OR9I1: variants seen among roughly 807,000 people sequenced by gnomAD.
OR9I1 encodes olfactory receptor family 9 subfamily I member 1.
A neutral mutation model predicts 11.2 loss-of-function variants in OR9I1; 7 were observed. That is an observed-to-expected ratio of 0.62 (90% confidence interval 0.36 to 1.17). The LOEUF (loss-of-function observed/expected upper bound fraction) is 1.17, where lower values mean the gene tolerates loss of function less well. Among genes scored for constraint, OR9I1 ranks in the 50% most tolerant of loss-of-function variants. The pLI is 0.02. For missense variants in OR9I1, 428 were observed against 377.2 expected (o/e 1.13, Z -1.12); for synonymous variants, 165 against 153.4 (o/e 1.08, Z -0.56).
At chr11:58,120,803 C>CATATATATATAT (rs61634454) in intron 2 of OR9I1, among the ~76,000 whole-genome samples, 4,146 of 132,318 alleles carry the variant, frequency 0.031, 96 homozygotes, top group Non-Finnish European at 0.039. Flanking sequence ...ATTTCAATAC[C>CATATATATATAT]ATATATATAT....
rs1483542487 is a variant in OR9I1, at chr11:58,119,154, A to C, written c.291T>G (p.Cys97Trp). ...TGGTGAATAAAAAGAACTGGGCAGC[A>C]CAGTGGCCGTAGGAGATGACCGTTT... ...TGKTVISYGH[C>W]AAQFFLFTIC... The change falls in exon 3 of 3, where the codon TGT (cysteine) becomes TGG (tryptophan). Residue 97 changes from cysteine to tryptophan, a missense_variant. Transcript: ENST00000641439. 2 of 1,613,944 alleles carry C rather than the reference A, an allele frequency of 1.2e-6. No individual in the cohort carries two copies. The highest frequency in any genetic ancestry group is 1.7e-6 in the Non-Finnish European group (2 of 1,180,004).
At position 58,119,017 on chromosome 11, in the gene OR9I1, C is replaced by T. The variant is rs754417451; in HGVS notation, c.428G>A (p.Ser143Asn). ...ACAGACATAGGCTCCTACCACCAGG[C>T]TCCAGCAGAGCCTGGGATTCATGGC... ...TVAMNPRLCW[S>N]LVVGAYVCGV... is the part of the protein sequence containing the mutation. The change falls in exon 3 of 3, where the codon AGC (serine) becomes AAC (asparagine). Residue 143 changes from serine (S) to asparagine (N), a missense_variant. Transcript: ENST00000641439. 1.2e-6 allele frequency: 2 copies of T among 1,613,914 alleles called. No individual in the cohort carries two copies. Among genetic ancestry groups the T allele is most frequent in the Admixed American group, 1.7e-5 (1 of 60,010 alleles).
At chr11:58,120,099 A>C (rs1854013003) in intron 2 of OR9I1, among the ~76,000 whole-genome samples, 1 of 152,192 alleles carries the variant, frequency 6.6e-6, no homozygotes, top group South Asian at 2.1e-4. Context: ...GATAACAAAA[A>C]GTCTTTCTTT....
rs2120129604 is a variant in OR9I1, at chr11:58,119,107, A to G, written c.338T>C (p.Phe113Ser). 1 of 1,613,952 alleles carries G rather than the reference A, an allele frequency of 6.2e-7. No homozygotes were observed. The highest frequency in any genetic ancestry group is 8.5e-7 in the Non-Finnish European group (1 of 1,179,952). Residue 113 changes from phenylalanine to serine, a missense_variant, in exon 3 of 3, where the codon TTT becomes TCT. By Grantham distance (155) the Phe-to-Ser change is radical. Coordinates refer to ENST00000641439, the MANE Select transcript of OR9I1 (RefSeq NM_001005211.2). ...LFTICAGTEC[F>S]LLAVMAYDRY... is the part of the protein sequence containing the mutation. Reference sequence around the variant, plus strand: ...ATCATAGGCCATCACTGCCAGCAGAAAGCACTCTGTGCCTGCACAGATGGT... The same window carrying G: ...ATCATAGGCCATCACTGCCAGCAGAGAGCACTCTGTGCCTGCACAGATGGT...
intron 2 of OR9I1, among the ~76,000 whole-genome samples, chr11:58,123,287 C>T (rs10750886): frequency 0.38 from 58,427 of 152,060 alleles, 12,347 homozygotes; most frequent in East Asian, 0.67. Context: ...AATCTCCCTG[C>T]AGTTAATCAG....
At chr11:58,123,300 C>CT (rs1854054437) in intron 2 of OR9I1, among the ~76,000 whole-genome samples, 1 of 152,162 alleles carries the variant, frequency 6.6e-6, no homozygotes, top group Admixed American at 6.5e-5. Flanking sequence ...TTAATCAGAG[C>CT]TTTTTTACCT....
chr11:58,118,266 A>C lies in OR9I1; in HGVS notation c.*234T>G, dbSNP rs142203655. The C allele has an allele frequency of 1.5e-5, 6 of 403,760 alleles. No homozygotes were observed. The East Asian group carries it at 2.3e-4, about 15-fold the overall frequency. 25.0% of individuals were successfully genotyped at this position (403,760 alleles called of 1,614,324 possible). ...AGTTGTGACATTAGAGAATATTAAG[A>C]GACTGCCCAGTGCTAAGGAATGGAT... On this transcript the variant is annotated 3_prime_UTR_variant, in exon 3 of 3. Transcript: ENST00000641439.
At position 58,117,475 on chromosome 11, in the gene OR9I1, G is replaced by A. The variant is rs543630537; in HGVS notation, c.*1025C>T. The A allele has an allele frequency of 1.1e-4, 16 of 152,222 alleles. No homozygotes were observed. Among genetic ancestry groups the A allele is most frequent in the Admixed American group, 7.9e-4 (12 of 15,282 alleles). 9.4% of individuals were successfully genotyped at this position (152,222 alleles called of 1,614,324 possible). ...ATAGAGTTGCCAGAAGGCTCAAATAGGAACAAGCATGTACCATACAAATTC... is the reference window on the plus strand; with the variant it reads ...ATAGAGTTGCCAGAAGGCTCAAATAAGAACAAGCATGTACCATACAAATTC... On this transcript the variant is annotated 3_prime_UTR_variant, in exon 3 of 3. Transcript: ENST00000641439.
rs1194414475 is a variant in OR9I1, at chr11:58,118,594, A to G, written c.851T>C (p.Met284Thr). The G allele has an allele frequency of 4.3e-6, 7 of 1,613,904 alleles. No individual in the cohort carries two copies. The Admixed American group carries it at 1.0e-4, about 23-fold the overall frequency. The change falls in exon 3 of 3, where the codon ATG becomes ACG. Residue 284 changes from methionine to threonine, a missense_variant. By Grantham distance (81) the Met-to-Thr change is moderately conservative (BLOSUM62 -1). Coordinates refer to ENST00000641439, the MANE Select transcript of OR9I1 (RefSeq NM_001005211.2). Reference protein sequence around the residue: ...VSVFYTVVIPMLNPLIYSLRN... With the variant: ...VSVFYTVVIPTLNPLIYSLRN... ...TAAGCTGTAGATCAGAGGGTTCAGC[A>G]TGGGGATGACCACTGTATAGAAGAC...
Position 58,116,993 on chromosome 11 carries a change from G to C in OR9I1, c.*1507C>G, listed in dbSNP as rs1294636821. Reference sequence around the variant, plus strand: ...AAGTACTCGTTTGTTTTATTCCTTGGTGCAAAGGATTGAGTTATACATCTT... The same window carrying C: ...AAGTACTCGTTTGTTTTATTCCTTGCTGCAAAGGATTGAGTTATACATCTT... On this transcript the variant is annotated 3_prime_UTR_variant, in exon 3 of 3. Transcript: ENST00000641439. 6.6e-6 allele frequency: 1 copy of C among 152,062 alleles called. No individual in the cohort carries two copies. The highest frequency in any genetic ancestry group is 1.5e-5 in the Non-Finnish European group (1 of 68,010). 9.4% of individuals were successfully genotyped at this position (152,062 alleles called of 1,614,324 possible). A position where few individuals can be genotyped will look rare whatever the true frequency, so the allele number is the denominator to read the frequency against.
chr11:58,120,356 AC>A (rs1854016253), intron 2 of OR9I1, among the ~76,000 whole-genome samples: 1 of 152,118 alleles, frequency 6.6e-6, no homozygotes, highest in African/African-American at 2.4e-5. Flanking sequence ...TAACATATTC[AC>A]CTATTTGTAA....
Position 58,119,239 on chromosome 11 carries a change from A to T in OR9I1, c.206T>A (p.Leu69Gln). The T allele has an allele frequency of 6.2e-7, 1 of 1,614,010 alleles. No homozygotes were observed. Among genetic ancestry groups the T allele is most frequent in the Non-Finnish European group, 8.5e-7 (1 of 1,179,928 alleles). The change falls in exon 3 of 3, where the codon CTG becomes CAG. Residue 69 changes from leucine (L) to glutamine (Q), a missense_variant. Coordinates refer to ENST00000641439, the MANE Select transcript of OR9I1 (RefSeq NM_001005211.2). ...GATGACTGAGGTGTAACAGGCATCC[A>T]GCAGGGAGAGGTGGCTCAGGAAGAA... ...MYFFLSHLSL[L>Q]DACYTSVITP... is the part of the protein sequence containing the mutation.
At chr11:58,121,735 C>A (rs1170558941) in intron 2 of OR9I1, among the ~76,000 whole-genome samples, 1 of 152,166 alleles carries the variant, frequency 6.6e-6, no homozygotes, top group Non-Finnish European at 1.5e-5. Context: ...CCTTGTAGCA[C>A]AACTGGGAAT....
At chr11:58,122,429 C>T (rs4939183) in intron 2 of OR9I1, among the ~76,000 whole-genome samples, 58,352 of 152,046 alleles carry the variant, frequency 0.38, 12,330 homozygotes, top group East Asian at 0.67. Context: ...TTCCCTTCAA[C>T]ATGGACTTCG....
chr11:58,118,614 G>A lies in OR9I1; in HGVS notation c.831C>T (p.Phe277=). The change falls in exon 3 of 3, where the codon TTC becomes TTT. Residue 277 remains phenylalanine (F), a synonymous_variant. Coordinates refer to ENST00000641439, the MANE Select transcript of OR9I1 (RefSeq NM_001005211.2). ...TCAGCATGGGGATGACCACTGTATA[G>A]AAGACAGACACGACTTTGTCTTCCT... ...SLEEDKVVSV[F]YTVVIPMLNP... is the part of the protein sequence containing the mutation. 6.2e-7 allele frequency: 1 copy of A among 1,613,998 alleles called. No homozygotes were observed. Among genetic ancestry groups the A allele is most frequent in the Non-Finnish European group, 8.5e-7 (1 of 1,179,946 alleles).
At chr11:58,122,017 A>C (rs1041597861) in intron 2 of OR9I1, among the ~76,000 whole-genome samples, 1 of 152,066 alleles carries the variant, frequency 6.6e-6, no homozygotes, top group East Asian at 1.9e-4. Context: ...CTTCCATGGG[A>C]TCCCTTTTTT....
At position 58,118,772 on chromosome 11, in the gene OR9I1, TG is replaced by T; in HGVS notation, c.672del (p.Ile225PhefsTer2). ...CCACCTGAAGACTTCACTTTCAAAA[TG>T]GTCTTGATGATGAGCAGATAGGAAA... The part of the protein sequence containing the change: ...ILISYLLIIK[T>X]ILKVKSSGGR... On this transcript the variant is annotated frameshift_variant, in exon 3 of 3. Transcript: ENST00000641439. LOFTEE classifies it high-confidence loss of function. 6.2e-7 allele frequency: 1 copy of T among 1,614,032 alleles called. No homozygotes were observed. Among genetic ancestry groups the T allele is most frequent in the East Asian group, 2.2e-5 (1 of 44,806 alleles).
At chr11:58,119,502 T>C (rs2120131942) in intron 2 of OR9I1, 36 bp from the exon 3 acceptor site, 1 of 1,143,680 alleles carries the variant, frequency 8.7e-7, no homozygotes, top group South Asian at 1.5e-5. Flanking sequence ...AATCTCAGAA[T>C]TGAAGGACAG....
chr11:58,119,195 T>A lies in OR9I1; in HGVS notation c.250A>T (p.Thr84Ser). ...ATGACCGTTTTGCCTGTGGCCAATG[T>A]GGCTAGGATCTGAGGGGTGATGACT... The part of the protein sequence containing the change: ...TSVITPQILA[T>S]LATGKTVISY... The change falls in exon 3 of 3, where the codon ACA (threonine) becomes TCA (serine). Residue 84 changes from threonine to serine, a missense_variant. Coordinates refer to ENST00000641439, the MANE Select transcript of OR9I1 (RefSeq NM_001005211.2). The A allele has an allele frequency of 6.2e-7, 1 of 1,614,006 alleles. No homozygotes were observed. The highest frequency in any genetic ancestry group is 8.5e-7 in the Non-Finnish European group (1 of 1,179,968).
Sources: allele counts gnomAD v4.1 joint callset (sites outside exome capture counted in the v4.1 genomes callset), GRCh38; gene constraint gnomAD v4.1.1; transcripts MANE v1.5; gene names NCBI Gene and HGNC (gene_info 2026-07-23, HGNC 2026-07-21).